Variants in B4GALT7 observed in about 807,000 individuals in gnomAD.
B4GALT7 encodes beta-1,4-galactosyltransferase 7.
A neutral mutation model predicts 33.0 loss-of-function variants in B4GALT7; 30 were observed. The observed-to-expected ratio is 0.91, with a 90% CI of 0.68 to 1.23. The LOEUF is 1.23. B4GALT7 is among the 50% of genes most tolerant of loss of function. B4GALT7 has a pLI of 0.00. For missense variants in B4GALT7, 507 were observed against 450.8 expected (o/e 1.12, Z -1.13); for synonymous variants, 213 against 187.2 (o/e 1.14, Z -1.13).
rs1768112111 is a variant in B4GALT7, at chr5:177,609,430, C to G, written c.829-110C>G. The G allele has an allele frequency of 2.2e-6, 3 of 1,388,406 alleles. No homozygotes were observed. In the South Asian group the frequency reaches 3.5e-5, roughly 16 times the overall value. The allele number at this position is 1,388,406 out of a possible 1,614,324, so 86.0% of individuals were successfully genotyped here. ...TCACTGCTTTGAGCTCTGGGTTCTTCCTCTCCAGTGGGGACCACAGGACCT... is the reference window on the plus strand; with the variant it reads ...TCACTGCTTTGAGCTCTGGGTTCTTGCTCTCCAGTGGGGACCACAGGACCT... On this transcript the variant is annotated intron_variant, in intron 5 of 5. Transcript: ENST00000029410.
intron 5 of B4GALT7, 151 bp from the exon 6 acceptor site, chr5:177,609,389 C>T: frequency 2.9e-6 from 3 of 1,031,824 alleles, no homozygotes; most frequent in Non-Finnish European, 4.5e-6. Context: ...TGGGGCACAG[C>T]CCTGGGCAAG....
In B4GALT7 at chr5:177,608,644, C is replaced by G; in HGVS notation, c.723+22C>G. ...CCAGGTGAGATTCCCCGGGCCCCGCCGCCACCTCAGCTGCGGTGGCTGCCC... is the reference window on the plus strand; with the variant it reads ...CCAGGTGAGATTCCCCGGGCCCCGCGGCCACCTCAGCTGCGGTGGCTGCCC... On this transcript the variant is annotated intron_variant, in intron 4 of 5. Coordinates refer to ENST00000029410, the MANE Select transcript of B4GALT7 (RefSeq NM_007255.3). This position sits in a 1 kb window ranked among gnomAD's most constrained non-coding sequence, Gnocchi z 4.1. 6.2e-7 allele frequency: 1 copy of G among 1,606,162 alleles called. No homozygotes were observed. Among genetic ancestry groups the G allele is most frequent in the Non-Finnish European group, 8.5e-7 (1 of 1,174,250 alleles).
rs781088397 is a variant in B4GALT7 at position 177,609,947 on chromosome 5, CT to C, written c.*253del. On this transcript the variant is annotated 3_prime_UTR_variant, in exon 6 of 6. Transcript: ENST00000029410. Reference sequence around the variant, plus strand: ...GGGTGTGTCCTGTCCGGGACCCCCCCTGCCTTCCTGCTCACCCTACTCTGAC... The same window carrying C: ...GGGTGTGTCCTGTCCGGGACCCCCCCGCCTTCCTGCTCACCCTACTCTGAC... 6 of 554,926 alleles carry C rather than the reference CT, an allele frequency of 1.1e-5. No homozygotes were observed. The Admixed American group carries it at 1.2e-4, about 11-fold the overall frequency. 34.4% of individuals were successfully genotyped at this position (554,926 alleles called of 1,614,324 possible). A position where few individuals can be genotyped will look rare whatever the true frequency, so the allele number is the denominator to read the frequency against.
rs1422016951 is a variant in B4GALT7, at chr5:177,604,269, C to G, written c.141C>G (p.Leu47=). ...ACLSLGFFSL[L]WLQLSCSGDV... The stretch of plus-strand genomic sequence containing the variant: ...TCTCGCTGGGCTTCTTCTCCCTACT[C>G]TGGCTGCAGCTCAGCTGCTCTGGGG... Residue 47 remains leucine (L), a synonymous_variant, in exon 2 of 6, where the codon CTC becomes CTG. Transcript: ENST00000029410. 1.2e-6 allele frequency: 2 copies of G among 1,613,356 alleles called. No individual in the cohort carries two copies. Among genetic ancestry groups the G allele is most frequent in the South Asian group, 1.1e-5 (1 of 90,994 alleles).
intron 2 of B4GALT7, chr5:177,607,027 G>A: frequency 1.8e-6 from 1 of 541,140 alleles, no homozygotes; most frequent in Non-Finnish European, 3.4e-6. Context: ...CACGCTTTGT[G>A]TTTGCTTGTT....
chr5:177,609,835 C>T lies in B4GALT7; in HGVS notation c.*140C>T, dbSNP rs774274089. ...AGCAAGCTACGCAATTGCAGCCACC[C>T]GGCCGCCAAGGCAGGCTTGGGCTGG... On this transcript the variant is annotated 3_prime_UTR_variant, in exon 6 of 6. Transcript: ENST00000029410. 96 of 1,210,590 alleles carry T rather than the reference C, an allele frequency of 7.9e-5. No homozygotes were observed. Among genetic ancestry groups the T allele is most frequent in the Admixed American group, 2.9e-4 (14 of 48,480 alleles). 75.0% of individuals were successfully genotyped at this position (1,210,590 alleles called of 1,614,324 possible).
Position 177,607,287 on chromosome 5 carries a change from G to T in B4GALT7, c.414-15G>T. 1 of 1,591,168 alleles carries T rather than the reference G, an allele frequency of 6.3e-7. No homozygotes were observed. Among genetic ancestry groups the T allele is most frequent in the Admixed American group, 1.8e-5 (1 of 56,974 alleles). ...CCGTGTGCTGCCCCTGCCCAGCCTTGCCCACCCTGCACAGGTTCAACCGGG... is the reference window on the plus strand; with the variant it reads ...CCGTGTGCTGCCCCTGCCCAGCCTTTCCCACCCTGCACAGGTTCAACCGGG... On this transcript the variant is annotated splice_polypyrimidine_tract_variant and intron_variant, in intron 2 of 5. Transcript: ENST00000029410.
Position 177,608,644 on chromosome 5 carries a change from C to T in B4GALT7, c.723+22C>T, listed in dbSNP as rs1294136909. The T allele has an allele frequency of 1.2e-5, 19 of 1,606,044 alleles. No individual in the cohort carries two copies. Among genetic ancestry groups the T allele is most frequent in the South Asian group, 3.3e-5 (3 of 90,926 alleles). The stretch of plus-strand genomic sequence containing the variant: ...CCAGGTGAGATTCCCCGGGCCCCGC[C>T]GCCACCTCAGCTGCGGTGGCTGCCC... On this transcript the variant is annotated intron_variant, in intron 4 of 5. Transcript: ENST00000029410. This position sits in a 1 kb window ranked among gnomAD's most constrained non-coding sequence, Gnocchi z 4.1.
At chr5:177,604,648 A>G (rs1296126541) in intron 2 of B4GALT7, 107 bp downstream of exon 2, 7 of 1,457,638 alleles carry the variant, frequency 4.8e-6, no homozygotes, top group Non-Finnish European at 5.7e-6. Flanking sequence ...GGGAGGTGGC[A>G]GACCCCTCTC....
At position 177,609,498 on chromosome 5, in the gene B4GALT7, A is replaced by G. The variant is rs6892216; in HGVS notation, c.829-42A>G. ...TGGGGTCAGTGGGTAGCTGGCACCC[A>G]TGCAGCCCTGAGTCCGTGCTCTTTC... On this transcript the variant is annotated intron_variant, in intron 5 of 5. Transcript: ENST00000029410. 1.2e-4 allele frequency: 199 copies of G among 1,611,452 alleles called. No homozygotes were observed. In the African/African-American group the frequency reaches 2.5e-3, roughly 20 times the overall value.
intron 1 of B4GALT7, among the ~76,000 whole-genome samples, chr5:177,602,578 G>A (rs1767874073): frequency 6.6e-6 from 1 of 152,074 alleles, no homozygotes; most frequent in African/African-American, 2.4e-5. Context: ...GATCAACAGG[G>A]GTCCTCAGGC....
In B4GALT7 at chr5:177,600,309, CT is replaced by C. The variant is rs1767810968; in HGVS notation, c.50+51del. ...GCCCCGTCCTCCCGGGCGCCGCTCC[CT>C]TCTCGGCCGCCGGCGGAATCTGGGA... On this transcript the variant is annotated intron_variant, in intron 1 of 5. Coordinates refer to ENST00000029410, the MANE Select transcript of B4GALT7 (RefSeq NM_007255.3). This position sits in a 1 kb window ranked among gnomAD's most constrained non-coding sequence, Gnocchi z 4.4. 1.1e-5 allele frequency: 14 copies of C among 1,282,846 alleles called. No individual in the cohort carries two copies. The highest frequency in any genetic ancestry group is 1.4e-5 in the Non-Finnish European group (14 of 1,009,010). The allele number at this position is 1,282,846 out of a possible 1,614,324, so 79.5% of individuals were successfully genotyped here. A position where few individuals can be genotyped will look rare whatever the true frequency, so the allele number is the denominator to read the frequency against.
In B4GALT7 at chr5:177,607,523, G is replaced by A. The variant is rs754100174; in HGVS notation, c.635G>A (p.Arg212Gln). 9.3e-6 allele frequency: 15 copies of A among 1,610,742 alleles called. No homozygotes were observed. Among genetic ancestry groups the A allele is most frequent in the South Asian group, 3.3e-5 (3 of 91,080 alleles). ...GILLLSKQHY[R>Q]LCNGMSNRFW... ...CTGCTGCTCTCCAAGCAGCACTACCGGCTGGTGAGGCCCGGACAGCCTGCT... is the reference window on the plus strand; with the variant it reads ...CTGCTGCTCTCCAAGCAGCACTACCAGCTGGTGAGGCCCGGACAGCCTGCT... Residue 212 changes from arginine (R) to glutamine (Q), a missense_variant, in exon 3 of 6, where the codon CGG becomes CAG. Transcript: ENST00000029410.
intron 2 of B4GALT7, chr5:177,605,320 G>A: frequency 3.4e-6 from 1 of 293,972 alleles, no homozygotes; most frequent in Non-Finnish European, 6.7e-6. Flanking sequence ...AGGGTATGGA[G>A]AGGAAAGACA....
intron 5 of B4GALT7, among the ~76,000 whole-genome samples, chr5:177,609,231 G>A (rs558857244): frequency 9.9e-5 from 15 of 152,266 alleles, no homozygotes; most frequent in Admixed American, 6.5e-4. Context: ...CAGGGTCCAT[G>A]CAGGCTGGCA....
chr5:177,607,003 G>A (rs146976430), intron 2 of B4GALT7: 400 of 477,380 alleles, frequency 8.4e-4, no homozygotes, highest in African/African-American at 7.3e-3. Flanking sequence ...CCCCCAGCAC[G>A]AACCACTGCT....
intron 1 of B4GALT7, 129 bp from the exon 2 acceptor site, chr5:177,604,050 C>T: frequency 7.4e-7 from 1 of 1,345,492 alleles, no homozygotes; most frequent in Non-Finnish European, 1.0e-6. Flanking sequence ...AAAGTTGCTT[C>T]TGTACTAATT....
At position 177,600,391 on chromosome 5, in the gene B4GALT7, C is replaced by T; in HGVS notation, c.50+131C>T. 1.5e-6 allele frequency: 1 copy of T among 670,242 alleles called. No individual in the cohort carries two copies. Among genetic ancestry groups the T allele is most frequent in the East Asian group, 3.6e-5 (1 of 28,004 alleles). The allele number at this position is 670,242 out of a possible 1,614,324, so 41.5% of individuals were successfully genotyped here. A position where few individuals can be genotyped will look rare whatever the true frequency, so the allele number is the denominator to read the frequency against. On this transcript the variant is annotated intron_variant, in intron 1 of 5. Transcript: ENST00000029410. The surrounding 1 kb of genome is among the most constrained non-coding windows in gnomAD (Gnocchi z 4.4). ...GGTTTCTGTGAGGGCGTGTGGTTCTCCCTGTGGGTCCCTGGCGCTCTGTTC... is the reference window on the plus strand; with the variant it reads ...GGTTTCTGTGAGGGCGTGTGGTTCTTCCTGTGGGTCCCTGGCGCTCTGTTC...
At chr5:177,601,027 C>T (rs2127509986) in intron 1 of B4GALT7, among the ~76,000 whole-genome samples, 1 of 152,298 alleles carries the variant, frequency 6.6e-6, no homozygotes, top group Admixed American at 6.5e-5. Context: ...TGAGATGTGT[C>T]CCTGTAAGTC....
Sources: allele counts gnomAD v4.1 joint callset (sites outside exome capture counted in the v4.1 genomes callset), GRCh38; gene constraint gnomAD v4.1.1; non-coding constraint Gnocchi (gnomAD v3.1); transcripts MANE v1.5; gene names NCBI Gene and HGNC (gene_info 2026-07-23, HGNC 2026-07-21).